The following DCAF8 variants were observed in gnomAD, a reference collection of about 807,000 sequenced individuals.
DCAF8 encodes the protein DDB1- and CUL4-associated factor 8.
In DCAF8, 20 loss-of-function variants were observed where a neutral mutation model predicts 68.0. The ratio of observed to expected loss-of-function variants is 0.29; its 90% CI spans 0.21 to 0.43. DCAF8 has a LOEUF of 0.43. Among genes scored for constraint, DCAF8 ranks in the 20% least tolerant of loss-of-function variants. The pLI is 1.00. For missense variants in DCAF8, 460 were observed against 771.0 expected, an observed-to-expected ratio of 0.60 and a Z score of 4.78; for synonymous variants, 230 against 276.9, an observed-to-expected ratio of 0.83 and a Z score of 1.68.
intron 7 of DCAF8, among the ~76,000 whole-genome samples, chr1:160,229,839 C>T (rs776340797): frequency 2.6e-5 from 4 of 152,140 alleles, no homozygotes; most frequent in Admixed American, 6.5e-5. Context: ...CTGGCTAACA[C>T]GGTGAGACCT....
intron 2 of DCAF8, among the ~76,000 whole-genome samples, chr1:160,253,693 G>A (rs369573820): frequency 6.7e-6 from 1 of 150,104 alleles, no homozygotes. Flanking sequence ...GGGTGTGGTG[G>A]TGTACACCTG....
rs199748027 is a variant in DCAF8 at position 160,240,083 on chromosome 1, GCTCTTCTTCCTC to G, written c.325_336del (p.Glu109_Glu112del). The G allele has an allele frequency of 0.025, 40,444 of 1,614,158 alleles. 608 individuals are homozygous for G. Among genetic ancestry groups the G allele is most frequent in the Non-Finnish European group, 0.03 (35,388 of 1,180,014 alleles). ...TTGCGCTGTACACGGCGCCGAGGCT[GCTCTTCTTCCTC>G]CTCTTCTTCCTCCTCTTCCTCTTCC... On this transcript the variant is annotated inframe_deletion, in exon 4 of 14. Transcript: ENST00000368074.
intron 2 of DCAF8, among the ~76,000 whole-genome samples, chr1:160,260,008 A>G (rs1406434861): frequency 6.6e-6 from 1 of 152,202 alleles, no homozygotes; most frequent in African/African-American, 2.4e-5. Context: ...AATTAACCAG[A>G]AAAATGTGTT....
At chr1:160,226,951 T>C (rs899157587) in intron 7 of DCAF8, among the ~76,000 whole-genome samples, 10 of 152,194 alleles carry the variant, frequency 6.6e-5, no homozygotes, top group African/African-American at 1.7e-4. Flanking sequence ...AGTTAAAGCA[T>C]TGGTAATGGA....
intron 3 of DCAF8, among the ~76,000 whole-genome samples, chr1:160,243,295 G>C (rs78214153): frequency 0.016 from 2,413 of 151,462 alleles, 63 homozygotes; most frequent in African/African-American, 0.049. Flanking sequence ...GGGAAAGGAA[G>C]GAAGGAAGGA....
intron 2 of DCAF8, among the ~76,000 whole-genome samples, chr1:160,252,746 G>A (rs747389159): frequency 1.3e-5 from 2 of 152,172 alleles, no homozygotes; most frequent in Non-Finnish European, 2.9e-5. Flanking sequence ...GGATCAACAT[G>A]AGAATCGTTG....
At chr1:160,257,075 A>G (rs557044904) in intron 2 of DCAF8, among the ~76,000 whole-genome samples, 74 of 152,342 alleles carry the variant, frequency 4.9e-4, no homozygotes, top group African/African-American at 1.7e-3. Flanking sequence ...TCTTGGCTAC[A>G]TTTGTAAAAA....
At chr1:160,236,179 G>T (rs1250188914) in intron 6 of DCAF8, among the ~76,000 whole-genome samples, 1 of 151,674 alleles carries the variant, frequency 6.6e-6, no homozygotes, top group Non-Finnish European at 1.5e-5. Flanking sequence ...AATGAAAAAA[G>T]AAACTAAAAT....
intron 8 of DCAF8, 47 bp downstream of exon 8, chr1:160,225,544 G>A (rs2101721261): frequency 6.8e-7 from 1 of 1,462,202 alleles, no homozygotes. Context: ...GCAGCCTTGG[G>A]GTTGAGTCAG....
intron 2 of DCAF8, among the ~76,000 whole-genome samples, chr1:160,250,417 G>A (rs1222216319): frequency 7.8e-6 from 1 of 128,574 alleles, no homozygotes; most frequent in African/African-American, 2.9e-5. Flanking sequence ...GGTGAGCCAA[G>A]ATCGCACCAT....
At chr1:160,247,135 T>C (rs1656371511) in intron 2 of DCAF8, among the ~76,000 whole-genome samples, 1 of 152,178 alleles carries the variant, frequency 6.6e-6, no homozygotes, top group African/African-American at 2.4e-5. Flanking sequence ...TAAAATCTAG[T>C]CCAAAGCTAA....
intron 3 of DCAF8, among the ~76,000 whole-genome samples, chr1:160,242,509 G>A (rs1389561828): frequency 6.6e-6 from 1 of 152,140 alleles, no homozygotes; most frequent in Non-Finnish European, 1.5e-5. Context: ...AGTGTTTATT[G>A]TTAAAATTAT....
chr1:160,249,142 G>C (rs984743311), intron 2 of DCAF8, among the ~76,000 whole-genome samples: 1 of 151,894 alleles, frequency 6.6e-6, no homozygotes, highest in African/African-American at 2.4e-5. Context: ...AGTGAGCTGA[G>C]ATCGCACCAC....
chr1:160,258,861 T>C (rs912674339), intron 2 of DCAF8, among the ~76,000 whole-genome samples: 21 of 152,224 alleles, frequency 1.4e-4, no homozygotes, highest in African/African-American at 4.3e-4. Context: ...ACCCAGCACA[T>C]AAGGAAATAA....
At chr1:160,260,121 G>GT (rs1290435464) in intron 2 of DCAF8, among the ~76,000 whole-genome samples, 1 of 151,278 alleles carries the variant, frequency 6.6e-6, no homozygotes, top group Non-Finnish European at 1.5e-5. Context: ...TTTTTTGAGT[G>GT]TGTACCACGT....
rs778578196 is a variant in DCAF8, at chr1:160,231,437, T to G, written c.960-30A>C. ...AAGAGTAGAAAAGCACAGAAAGTTATATACTCCAAAAGATCCAAATGGTCA... is the reference window on the plus strand; with the variant it reads ...AAGAGTAGAAAAGCACAGAAAGTTAGATACTCCAAAAGATCCAAATGGTCA... On this transcript the variant is annotated intron_variant, in intron 6 of 13. Transcript: ENST00000368074. The G allele has an allele frequency of 1.9e-6, 3 of 1,546,634 alleles. No homozygotes were observed. The African/African-American group carries it at 4.1e-5, about 21-fold the overall frequency.
chr1:160,254,247 G>A (rs935332896), intron 2 of DCAF8, among the ~76,000 whole-genome samples: 1 of 151,880 alleles, frequency 6.6e-6, no homozygotes, highest in African/African-American at 2.4e-5. Flanking sequence ...GCATGAAACT[G>A]GAAGGCAGAG....
chr1:160,219,539 C>G (rs2101713008), intron 11 of DCAF8: 1 of 153,004 alleles, frequency 6.5e-6, no homozygotes, highest in Middle Eastern at 3.4e-3. Context: ...CTCATGTCTG[C>G]TTGAGAGAAC....
At chr1:160,256,031 T>A (rs889057401) in intron 2 of DCAF8, among the ~76,000 whole-genome samples, 15 of 147,966 alleles carry the variant, frequency 1.0e-4, no homozygotes, top group African/African-American at 2.7e-4. Context: ...TTTTTTTTTT[T>A]TTTTTTTTTA....
Sources: allele counts gnomAD v4.1 joint callset (sites outside exome capture counted in the v4.1 genomes callset), GRCh38; gene constraint gnomAD v4.1.1; transcripts MANE v1.5; gene names NCBI Gene and HGNC (gene_info 2026-07-23, HGNC 2026-07-21).